Variants in ZFPM2 observed in about 807,000 individuals in gnomAD.
The protein encoded by ZFPM2 is zinc finger protein ZFPM2.
A neutral mutation model predicts 98.6 loss-of-function variants in ZFPM2; 20 were observed. That is an observed-to-expected ratio of 0.20 (90% CI 0.14 to 0.29). The LOEUF is 0.29. ZFPM2 is among the 10% of genes least tolerant of loss of function. The pLI is 1.00. For synonymous variants in ZFPM2, 518 were observed against 502.7 expected (o/e 1.03, Z -0.41); for missense variants, 1,310 against 1,388.6 (o/e 0.94, Z 0.90).
At chr8:105,498,126 A>G (rs1177002756) in intron 3 of ZFPM2, among the ~76,000 whole-genome samples, 6 of 151,392 alleles carry the variant, frequency 4.0e-5, no homozygotes, top group Non-Finnish European at 5.9e-5. Context: ...TGAGCCCAGG[A>G]GGTTGAGGCT....
chr8:105,702,492 A>G (rs1368117585), intron 5 of ZFPM2, among the ~76,000 whole-genome samples: 1 of 152,238 alleles, frequency 6.6e-6, no homozygotes. Flanking sequence ...TTTCTTCCAA[A>G]GCAGGCTTCA....
At chr8:105,780,304 C>A (rs1813210335) in intron 5 of ZFPM2, 1 of 152,180 alleles carries the variant, frequency 6.6e-6, no homozygotes, top group Admixed American at 6.5e-5. Flanking sequence ...CATGCCCATG[C>A]AAGAGGAATG....
At chr8:105,705,737 C>G (rs1811242808) in intron 5 of ZFPM2, among the ~76,000 whole-genome samples, 1 of 152,014 alleles carries the variant, frequency 6.6e-6, no homozygotes. Flanking sequence ...GAAAATGGAC[C>G]CAAAGGAAGG....
At chr8:105,326,494 T>G (rs1812117734) in intron 1 of ZFPM2, among the ~76,000 whole-genome samples, 1 of 151,730 alleles carries the variant, frequency 6.6e-6, no homozygotes, top group Admixed American at 6.6e-5. Context: ...AAAATGAATA[T>G]TCAGTGCCTG....
chr8:105,554,820 CTA>C (rs1323028444), intron 3 of ZFPM2, among the ~76,000 whole-genome samples: 4 of 152,060 alleles, frequency 2.6e-5, no homozygotes, highest in African/African-American at 4.8e-5. Context: ...TTGCTGGTAA[CTA>C]TTCTAAAAGA....
intron 4 of ZFPM2, among the ~76,000 whole-genome samples, chr8:105,589,131 C>G (rs1815789749): frequency 6.6e-6 from 1 of 152,192 alleles, no homozygotes; most frequent in Non-Finnish European, 1.5e-5. Context: ...CTCCATGGAG[C>G]CCCCTCTAAT....
intron 5 of ZFPM2, among the ~76,000 whole-genome samples, chr8:105,662,016 A>G (rs1258505157): frequency 2.0e-5 from 3 of 152,106 alleles, no homozygotes; most frequent in East Asian, 3.9e-4. Context: ...ACATCCGTGG[A>G]TAAAACCAAT....
At chr8:105,619,093 T>A (rs565600506) in intron 4 of ZFPM2, among the ~76,000 whole-genome samples, 4 of 152,308 alleles carry the variant, frequency 2.6e-5, no homozygotes, top group African/African-American at 9.6e-5. Flanking sequence ...ATAAAAGCTA[T>A]AAGCCATATT....
At chr8:105,533,448 C>CA (rs1563703396) in intron 3 of ZFPM2, among the ~76,000 whole-genome samples, 2 of 151,974 alleles carry the variant, frequency 1.3e-5, no homozygotes, top group Admixed American at 6.6e-5. Flanking sequence ...GGGCAATCTT[C>CA]AGAAAACAAT....
chr8:105,517,742 C>CACACACA (rs1586430844), intron 3 of ZFPM2, among the ~76,000 whole-genome samples: 8 of 150,206 alleles, frequency 5.3e-5, no homozygotes, highest in Non-Finnish European at 1.0e-4. Flanking sequence ...CACACACACA[C>CACACACA]CCCTAGTTGG....
chr8:105,792,998 T>A (rs894943757), intron 6 of ZFPM2, among the ~76,000 whole-genome samples: 11 of 152,218 alleles, frequency 7.2e-5, no homozygotes, highest in Non-Finnish European at 8.8e-5. Context: ...TGAGATGGGT[T>A]TCCTGAATAC....
At chr8:105,341,177 G>A (rs1363219090) in intron 1 of ZFPM2, among the ~76,000 whole-genome samples, 1 of 151,894 alleles carries the variant, frequency 6.6e-6, no homozygotes, top group Non-Finnish European at 1.5e-5. Flanking sequence ...ATACCCTCGT[G>A]GGGCTTCCAC....
At chr8:105,329,561 T>C (rs980837070) in intron 1 of ZFPM2, among the ~76,000 whole-genome samples, 10 of 151,836 alleles carry the variant, frequency 6.6e-5, no homozygotes, top group African/African-American at 2.4e-4. Flanking sequence ...TCTTATGGGG[T>C]AAAGAGCTAC....
At chr8:105,770,705 A>T (rs1023666746) in intron 5 of ZFPM2, among the ~76,000 whole-genome samples, 1 of 152,178 alleles carries the variant, frequency 6.6e-6, no homozygotes, top group African/African-American at 2.4e-5. Flanking sequence ...CTATTAAACC[A>T]CAAAGCTTCA....
At chr8:105,449,508 A>G (rs538901482) in intron 3 of ZFPM2, among the ~76,000 whole-genome samples, 1 of 152,102 alleles carries the variant, frequency 6.6e-6, no homozygotes, top group Admixed American at 6.6e-5. Flanking sequence ...TGATTTGATG[A>G]ATTAATAGAA....
chr8:105,381,794 A>G (rs1810894887), intron 1 of ZFPM2, among the ~76,000 whole-genome samples: 1 of 152,162 alleles, frequency 6.6e-6, no homozygotes, highest in Admixed American at 6.6e-5. Context: ...CTGAAGCTTC[A>G]AGTGTTTACG....
At chr8:105,398,192 G>C (rs1811261426) in intron 1 of ZFPM2, among the ~76,000 whole-genome samples, 1 of 151,930 alleles carries the variant, frequency 6.6e-6, no homozygotes, top group African/African-American at 2.4e-5. Context: ...TTGGTTTTTT[G>C]GTTTTATAAT....
At chr8:105,524,987 C>T (rs754815980) in intron 3 of ZFPM2, among the ~76,000 whole-genome samples, 3 of 152,136 alleles carry the variant, frequency 2.0e-5, no homozygotes, top group Non-Finnish European at 4.4e-5. Context: ...GTTCATCTCT[C>T]GCTTATCAAA....
At chr8:105,762,345 G>A (rs925620237) in intron 5 of ZFPM2, among the ~76,000 whole-genome samples, 3 of 151,816 alleles carry the variant, frequency 2.0e-5, no homozygotes, top group Non-Finnish European at 4.4e-5. Context: ...TTTTGGTGGG[G>A]AATGAAGTTT....
Sources: allele counts gnomAD v4.1 joint callset (sites outside exome capture counted in the v4.1 genomes callset), GRCh38; gene constraint gnomAD v4.1.1; transcripts MANE v1.5; gene names NCBI Gene and HGNC (gene_info 2026-07-23, HGNC 2026-07-21).